The following SLC9A4 variants were observed in gnomAD, a reference collection of about 807,000 sequenced individuals.
SLC9A4 encodes sodium/hydrogen exchanger 4.
SLC9A4 carries 63 observed loss-of-function variants against 67.4 expected under a neutral mutation model. That is an observed-to-expected ratio of 0.93 (90% CI 0.76 to 1.15). The LOEUF (loss-of-function observed/expected upper bound fraction) is 1.15. SLC9A4 is among the 50% of genes most tolerant of loss of function. The probability of loss-of-function intolerance (pLI) is 0.00; values close to 1 mark genes in which losing one functional copy is unlikely to be tolerated. For synonymous variants in SLC9A4, 393 were observed against 367.2 expected, an observed-to-expected ratio of 1.07 and a Z score of -0.80; for missense variants, 1,089 against 987.7, an observed-to-expected ratio of 1.10 and a Z score of -1.38.
In SLC9A4 at chr2:102,508,168, C is replaced by A; in HGVS notation, c.1288C>A (p.Arg430=). ...GTGCATCATTTTCTACAGTGGTGTT[C>A]GAGGAGCTGGAAGTTTTTCACTTGC... ...DQCIIFYSGV[R]GAGSFSLAFL... The change falls in exon 5 of 12, where the codon CGA becomes AGA. Residue 430 remains arginine, a synonymous_variant. Coordinates refer to ENST00000295269, the MANE Select transcript of SLC9A4 (RefSeq NM_001011552.4). The A allele has an allele frequency of 6.2e-7, 1 of 1,614,120 alleles. No homozygotes were observed. The highest frequency in any genetic ancestry group is 8.5e-7 in the Non-Finnish European group (1 of 1,180,026).
In SLC9A4 at chr2:102,508,118, C is replaced by A. The variant is rs765516939; in HGVS notation, c.1238C>A (p.Thr413Asn). ...TTCTATATCAGTAACCAGTTTCGGA[C>A]TTTCCCCTTCTCCATCAAGGACCAG... ...ALFYISNQFR[T>N]FPFSIKDQCI... The change falls in exon 5 of 12, where the codon ACT becomes AAT. Residue 413 changes from threonine to asparagine, a missense_variant. Transcript: ENST00000295269. 6 of 1,614,184 alleles carry A rather than the reference C, an allele frequency of 3.7e-6. No individual in the cohort carries two copies. The highest frequency in any genetic ancestry group is 1.6e-4 in the Middle Eastern group (1 of 6,062).
At chr2:102,507,600 G>C (rs1235831528) in intron 4 of SLC9A4, among the ~76,000 whole-genome samples, 2 of 152,064 alleles carry the variant, frequency 1.3e-5, no homozygotes, top group African/African-American at 2.4e-5. Flanking sequence ...TAAGGGATTT[G>C]ATTGTAGAGA....
chr2:102,492,443 G>T (rs1309503057), intron 2 of SLC9A4, among the ~76,000 whole-genome samples: 1 of 152,220 alleles, frequency 6.6e-6, no homozygotes, highest in African/African-American at 2.4e-5. Context: ...TGACTTCTGT[G>T]CACCCACAGG....
intron 11 of SLC9A4, among the ~76,000 whole-genome samples, chr2:102,527,477 A>T (rs1165953336): frequency 6.6e-6 from 1 of 152,208 alleles, no homozygotes; most frequent in African/African-American, 2.4e-5. Context: ...CCTAATTAAT[A>T]AATACTTAAG....
intron 7 of SLC9A4, 40 bp from the exon 8 acceptor site, chr2:102,514,050 A>G (rs547607930): frequency 1.3e-6 from 2 of 1,599,462 alleles, no homozygotes; most frequent in African/African-American, 1.3e-5. Flanking sequence ...TAACACATAC[A>G]GACGTTCAAG....
At chr2:102,497,624 T>G (rs1030117964) in intron 2 of SLC9A4, among the ~76,000 whole-genome samples, 4 of 152,196 alleles carry the variant, frequency 2.6e-5, no homozygotes, top group Non-Finnish European at 5.9e-5. Flanking sequence ...AAAATGCAAA[T>G]TAATCTATTG....
intron 2 of SLC9A4, among the ~76,000 whole-genome samples, chr2:102,484,880 C>T (rs1191764738): frequency 1.3e-5 from 2 of 152,136 alleles, no homozygotes; most frequent in East Asian, 3.9e-4. Flanking sequence ...TTTTCCTCAT[C>T]CCTCTCTCCC....
At chr2:102,531,242 A>T (rs1674774489) in intron 11 of SLC9A4, among the ~76,000 whole-genome samples, 1 of 152,012 alleles carries the variant, frequency 6.6e-6, no homozygotes, top group Non-Finnish European at 1.5e-5. Context: ...TTTTCTAGAA[A>T]ATACCTAAAT....
At chr2:102,479,360 G>A (rs1309285226) in intron 2 of SLC9A4, 58 bp downstream of exon 2, 4 of 1,507,996 alleles carry the variant, frequency 2.7e-6, no homozygotes, top group Non-Finnish European at 3.6e-6. Flanking sequence ...GGGTGGGGCT[G>A]GGGACCGGAG....
intron 11 of SLC9A4, among the ~76,000 whole-genome samples, chr2:102,530,263 G>A (rs1488325035): frequency 1.3e-5 from 2 of 152,100 alleles, no homozygotes; most frequent in Non-Finnish European, 2.9e-5. Context: ...CTCCTTTCAT[G>A]CCAGGGTGCC....
At chr2:102,523,502 C>T (rs751506404) in intron 9 of SLC9A4, among the ~76,000 whole-genome samples, 1 of 152,182 alleles carries the variant, frequency 6.6e-6, no homozygotes, top group Non-Finnish European at 1.5e-5. Context: ...TAAATTCATA[C>T]ATTAAGTACT....
In SLC9A4 at chr2:102,519,878, A is replaced by G. The variant is rs6742280; in HGVS notation, c.1741A>G (p.Ile581Val). 3.4e-3 allele frequency: 5,455 copies of G among 1,613,690 alleles called. 168 individuals are homozygous for G. The African/African-American group carries it at 0.062, about 18-fold the overall frequency. ...TTCCAGGGCCCAGAGGATACAAGGA[A>G]TCAAAAGACTTTCCCCTGAAGATGT... ...IPHQAQRIQG[I>V]KRLSPEDVES... Residue 581 changes from isoleucine to valine, a missense_variant, in exon 9 of 12, where the codon ATC becomes GTC. Coordinates refer to ENST00000295269, the MANE Select transcript of SLC9A4 (RefSeq NM_001011552.4).
chr2:102,532,304 CCCT>C, intron 11 of SLC9A4, 23 bp from the exon 12 acceptor site: 1 of 1,594,530 alleles, frequency 6.3e-7, no homozygotes, highest in Non-Finnish European at 8.5e-7. Context: ...TTGTTCTTTC[CCCT>C]TCTTGCCATG....
chr2:102,508,790 T>C, intron 5 of SLC9A4, 57 bp from the exon 6 acceptor site: 1 of 1,356,894 alleles, frequency 7.4e-7, no homozygotes, highest in Non-Finnish European at 1.0e-6. Context: ...AAATTTGCTC[T>C]CTCTAGTGAC....
At chr2:102,515,884 G>T (rs922188773) in intron 8 of SLC9A4, among the ~76,000 whole-genome samples, 3 of 152,008 alleles carry the variant, frequency 2.0e-5, no homozygotes, top group Non-Finnish European at 4.4e-5. Flanking sequence ...AACAAAAAAG[G>T]CCACACAAAC....
intron 2 of SLC9A4, among the ~76,000 whole-genome samples, chr2:102,481,035 C>T (rs1291880789): frequency 6.6e-6 from 1 of 152,146 alleles, no homozygotes; most frequent in Non-Finnish European, 1.5e-5. Context: ...GACCTAAGAC[C>T]TTCTACTCAG....
rs61708027 is a variant in SLC9A4, at chr2:102,491,317, C to CT, written c.720+12050dup. 9.2e-3 allele frequency among the ~76,000 whole-genome samples: 421 copies of CT among 45,730 alleles called. 21 individuals carry two copies. Among genetic ancestry groups the CT allele is most frequent in the Non-Finnish European group, 0.014 (345 of 24,484 alleles). The allele number at this position is 45,730 out of a possible 152,430, so 30.0% of individuals were successfully genotyped here. On this transcript the variant is annotated intron_variant, in intron 2 of 11. Transcript: ENST00000295269. ...ATTTCTCTTCCCATTTGTACTAATG[C>CT]TTTTTTTTTTTTTTTTTTTTTTTTT... is the stretch of plus-strand genomic sequence containing the variant.
chr2:102,532,508 A>G lies in SLC9A4; in HGVS notation c.2217A>G (p.Gly739=). 1.2e-6 allele frequency: 2 copies of G among 1,614,160 alleles called. No homozygotes were observed. Among genetic ancestry groups the G allele is most frequent in the Non-Finnish European group, 1.7e-6 (2 of 1,180,018 alleles). The part of the protein sequence containing the change: ...RNTSQEEYLG[G]VRRVALRPKP... ...CAAGCCAAGAAGAGTACTTGGGTGG[A>G]GTAAGGAGGGTGGCCTTAAGACCCA... is the stretch of plus-strand genomic sequence containing the variant. Residue 739 remains glycine, a synonymous_variant, in exon 12 of 12, where the codon GGA becomes GGG. Coordinates refer to ENST00000295269, the MANE Select transcript of SLC9A4 (RefSeq NM_001011552.4).
chr2:102,496,999 A>C (rs992089828), intron 2 of SLC9A4, among the ~76,000 whole-genome samples: 38 of 152,318 alleles, frequency 2.5e-4, no homozygotes, highest in African/African-American at 8.9e-4. Context: ...ATCTCTGCTC[A>C]CCTGCTCACT....
Sources: allele counts gnomAD v4.1 joint callset (sites outside exome capture counted in the v4.1 genomes callset), GRCh38; gene constraint gnomAD v4.1.1; transcripts MANE v1.5; gene names NCBI Gene and HGNC (gene_info 2026-07-23, HGNC 2026-07-21).